Variants in SENP7 observed in about 807,000 individuals in gnomAD.
The protein encoded by SENP7 is SUMO specific peptidase 7, also known as sentrin-specific protease 7.
Under a neutral mutation model 141.2 loss-of-function variants are expected in SENP7, and 64 were observed. The observed-to-expected ratio is 0.45, with a 90% CI of 0.37 to 0.56. SENP7 has a LOEUF of 0.56. SENP7 is among the 20% of genes least tolerant of loss of function. The pLI, the probability that SENP7 is intolerant of heterozygous loss-of-function variation, is 0.00. For missense variants in SENP7, 1,025 were observed against 1,212.2 expected (o/e 0.85, Z 2.29); for synonymous variants, 382 against 426.4 (o/e 0.90, Z 1.28).
At chr3:101,371,384 C>T (rs1054529164) in intron 7 of SENP7, among the ~76,000 whole-genome samples, 3 of 152,110 alleles carry the variant, frequency 2.0e-5, no homozygotes, top group Admixed American at 2.0e-4. Context: ...TATCAATAAT[C>T]CAACAGACCC....
At chr3:101,454,332 C>G (rs1467250307) in intron 4 of SENP7, among the ~76,000 whole-genome samples, 2 of 151,882 alleles carry the variant, frequency 1.3e-5, no homozygotes, top group African/African-American at 4.8e-5. Context: ...GGCAACATAA[C>G]AAAACCTCAA....
At chr3:101,435,332 C>T (rs2062344037) in intron 4 of SENP7, among the ~76,000 whole-genome samples, 1 of 152,006 alleles carries the variant, frequency 6.6e-6, no homozygotes, top group African/African-American at 2.4e-5. Flanking sequence ...TAGTATCATA[C>T]TAAATAGGGA....
At chr3:101,468,657 C>T (rs998737341) in intron 3 of SENP7, among the ~76,000 whole-genome samples, 1 of 152,248 alleles carries the variant, frequency 6.6e-6, no homozygotes, top group Admixed American at 6.5e-5. Flanking sequence ...CAAGCAAATG[C>T]TGAGAGATTT....
intron 6 of SENP7, among the ~76,000 whole-genome samples, chr3:101,376,937 A>ATC (rs1049973721): frequency 6.6e-6 from 1 of 152,226 alleles, no homozygotes; most frequent in African/African-American, 2.4e-5. Context: ...AAAATGAACT[A>ATC]TCATATGCTA....
intron 1 of SENP7, among the ~76,000 whole-genome samples, chr3:101,504,296 C>A (rs1012045487): frequency 1.6e-4 from 23 of 142,474 alleles, no homozygotes; most frequent in Non-Finnish European, 1.2e-4. Context: ...ATTAAAAATA[C>A]AAAAAAAAAA....
At chr3:101,471,522 A>C (rs2063995413) in intron 3 of SENP7, among the ~76,000 whole-genome samples, 2 of 152,226 alleles carry the variant, frequency 1.3e-5, no homozygotes, top group Admixed American at 6.5e-5. Context: ...TAAAGACTTC[A>C]ATGTTAGACC....
At chr3:101,473,622 T>C (rs186870178) in intron 3 of SENP7, among the ~76,000 whole-genome samples, 1 of 152,226 alleles carries the variant, frequency 6.6e-6, no homozygotes, top group African/African-American at 2.4e-5. Flanking sequence ...TAATTATAGA[T>C]GCAGTATATT....
At chr3:101,343,153 G>C (rs1489100603) in intron 14 of SENP7, among the ~76,000 whole-genome samples, 4 of 152,106 alleles carry the variant, frequency 2.6e-5, no homozygotes, top group Admixed American at 2.0e-4. Flanking sequence ...TGTTCATTTT[G>C]ATAACTTGGT....
At chr3:101,337,703 T>G (rs781695743) in intron 16 of SENP7, 72 bp from the exon 17 acceptor site, 3 of 1,242,988 alleles carry the variant, frequency 2.4e-6, no homozygotes, top group African/African-American at 1.5e-5. Flanking sequence ...TTGTCTTATG[T>G]GTTCTGGAAA....
At chr3:101,371,260 G>A (rs1321896699) in intron 7 of SENP7, among the ~76,000 whole-genome samples, 1 of 152,118 alleles carries the variant, frequency 6.6e-6, no homozygotes, top group Non-Finnish European at 1.5e-5. Context: ...GTGTGATCAT[G>A]CCACTGTACA....
At chr3:101,421,448 A>G (rs1280696062) in intron 4 of SENP7, among the ~76,000 whole-genome samples, 1 of 152,200 alleles carries the variant, frequency 6.6e-6, no homozygotes, top group Non-Finnish European at 1.5e-5. Flanking sequence ...TGGAAAAACT[A>G]TATGACTTAG....
Position 101,361,803 on chromosome 3 carries a change from G to C in SENP7, c.1535C>G (p.Pro512Arg). 1 of 1,608,084 alleles carries C rather than the reference G, an allele frequency of 6.2e-7. No homozygotes were observed. The highest frequency in any genetic ancestry group is 1.7e-4 in the Middle Eastern group (1 of 6,042). The change falls in exon 11 of 24, where the codon CCT (proline) becomes CGT (arginine). Residue 512 changes from proline to arginine, a missense_variant. Around this residue, in one of 4 missense-constraint regions of SENP7, gnomAD observed 228 missense variants for 228.5 expected, o/e 1.00. Coordinates refer to ENST00000394095, the MANE Select transcript of SENP7 (RefSeq NM_020654.5). ...PVMENISSIM[P>R]SNEMDLQLDF... ...CAGTTGTAGATCCATCTCATTACTA[G>C]GCATAATACTGGAAATGTTCTCCAT...
chr3:101,488,418 T>C (rs1450383844), intron 3 of SENP7, among the ~76,000 whole-genome samples: 2 of 152,366 alleles, frequency 1.3e-5, no homozygotes, highest in South Asian at 2.1e-4. Context: ...GGATAATTTA[T>C]GTGAGATTAT....
At chr3:101,411,685 A>G (rs916843055) in intron 5 of SENP7, among the ~76,000 whole-genome samples, 1 of 152,222 alleles carries the variant, frequency 6.6e-6, no homozygotes, top group Non-Finnish European at 1.5e-5. Context: ...GAATTGAAGT[A>G]TATAAAGGTG....
At chr3:101,473,837 A>C (rs1576462305) in intron 3 of SENP7, among the ~76,000 whole-genome samples, 1 of 152,284 alleles carries the variant, frequency 6.6e-6, no homozygotes, top group Non-Finnish European at 1.5e-5. Flanking sequence ...GGTACTGCCT[A>C]GGCTGTCTTC....
rs149845169 is a variant in SENP7, at chr3:101,467,904, T to C, written c.187-8852A>G. 1.1e-4 allele frequency among the ~76,000 whole-genome samples: 16 copies of C among 152,218 alleles called. No individual in the cohort carries two copies. In the East Asian group the frequency reaches 2.7e-3, roughly 26 times the overall value. On this transcript the variant is annotated intron_variant, in intron 3 of 23. Transcript: ENST00000394095. ...CTTCAGAAGATCAGTAATAACAAAC[T>C]ATTCCAAGCTAAAGAAGGATGTTTG...
chr3:101,361,687 A>G (rs1346477243), intron 11 of SENP7, 28 bp downstream of exon 11: 1 of 1,511,398 alleles, frequency 6.6e-7, no homozygotes, highest in East Asian at 2.4e-5. Context: ...GATCCAAACT[A>G]AAAGAAAATT....
intron 4 of SENP7, among the ~76,000 whole-genome samples, chr3:101,421,495 T>A (rs74707843): frequency 6.6e-6 from 1 of 152,130 alleles, no homozygotes; most frequent in Admixed American, 6.5e-5. Flanking sequence ...ATTATCTCAA[T>A]GGTAATTTTA....
At chr3:101,507,226 T>A (rs2065658445) in intron 1 of SENP7, among the ~76,000 whole-genome samples, 1 of 152,208 alleles carries the variant, frequency 6.6e-6, no homozygotes, top group Non-Finnish European at 1.5e-5. Flanking sequence ...AAAACCCAAA[T>A]GAAAGTTATT....
Sources: gnomAD v4.1 joint callset for allele counts (sites outside exome capture counted in the v4.1 genomes callset) on GRCh38, gnomAD v4.1.1 for gene constraint, gnomAD v4.1.1 regional missense constraint, MANE v1.5 for transcripts, NCBI Gene and HGNC (gene_info 2026-07-23, HGNC 2026-07-21) for gene names.